Variants in ANKRD36C observed in about 807,000 individuals in gnomAD.
ANKRD36C encodes ankyrin repeat domain-containing protein 36C.
In ANKRD36C, 61 loss-of-function variants were observed where a neutral mutation model predicts 276.4. The ratio of observed to expected loss-of-function variants is 0.22; its 90% CI spans 0.18 to 0.27. ANKRD36C has a LOEUF of 0.27. Ranked by LOEUF, ANKRD36C falls within the 10% of genes least tolerant of loss-of-function variation. The probability of loss-of-function intolerance (pLI) is 1.00; values close to 1 mark genes in which losing one functional copy is unlikely to be tolerated. For missense variants in ANKRD36C, 1,447 were observed against 2,032.3 expected, an observed-to-expected ratio of 0.71 and a Z score of 5.54; for synonymous variants, 483 against 680.1, an observed-to-expected ratio of 0.71 and a Z score of 4.51.
rs532730717 is a variant in ANKRD36C, at chr2:95,891,591, G to A, written c.2857+74C>T. On this transcript the variant is annotated intron_variant, in intron 46 of 66. Transcript: ENST00000456556. ...AATGTGCAGCTTCAACGAACCCCCC[G>A]CTGATTTATTCAGGGAAGAGAATTT... The A allele has an allele frequency of 1.8e-3, 2,648 of 1,482,234 alleles. 15 individuals carry two copies. Among genetic ancestry groups the A allele is most frequent in the Middle Eastern group, 0.012 (50 of 4,236 alleles). The allele number at this position is 1,482,234 out of a possible 1,614,324, so 91.8% of individuals were successfully genotyped here.
intron 42 of ANKRD36C, among the ~76,000 whole-genome samples, chr2:95,910,871 A>G (rs1169031731): frequency 6.6e-6 from 1 of 151,490 alleles, no homozygotes; most frequent in African/African-American, 2.4e-5. Context: ...AATGTGATCT[A>G]AAATCAGAAG....
At chr2:95,913,803 T>G (rs1013947562) in intron 40 of ANKRD36C, among the ~76,000 whole-genome samples, 15 of 151,432 alleles carry the variant, frequency 9.9e-5, no homozygotes, top group Admixed American at 4.0e-4. Context: ...CCTTCCACCC[T>G]TACTGAAAAC....
Position 95,889,835 on chromosome 2 carries a change from C to G in ANKRD36C, c.2923G>C (p.Ala975Pro), listed in dbSNP as rs747863669. Residue 975 changes from alanine (A) to proline (P), a missense_variant, in exon 48 of 67, where the codon GCC (alanine) becomes CCC (proline). Coordinates refer to ENST00000456556, the Ensembl canonical transcript of ANKRD36C. The stretch of plus-strand genomic sequence containing the variant: ...ATTTGTTCATCCTTTGTTTCTGTGG[C>G]CATATTCGGAACAGAATTTTCCTTG... 4.4e-6 allele frequency: 7 copies of G among 1,600,904 alleles called. No homozygotes were observed. The East Asian group carries it at 1.6e-4, about 36-fold the overall frequency.
intron 24 of ANKRD36C, among the ~76,000 whole-genome samples, chr2:95,935,131 A>G (rs1677680664): frequency 6.6e-6 from 1 of 152,300 alleles, no homozygotes; most frequent in African/African-American, 2.4e-5. Flanking sequence ...ACAGTATTGC[A>G]ACCAGAAATT....
At chr2:95,854,177 G>A (rs1675357153) in intron 63 of ANKRD36C, among the ~76,000 whole-genome samples, 1 of 151,820 alleles carries the variant, frequency 6.6e-6, no homozygotes, top group African/African-American at 2.4e-5. Flanking sequence ...TGAGACTGAC[G>A]GTAGTAAATT....
chr2:95,917,063 A>C (rs1677120451), intron 36 of ANKRD36C, among the ~76,000 whole-genome samples: 1 of 151,626 alleles, frequency 6.6e-6, no homozygotes, highest in Non-Finnish European at 1.5e-5. Context: ...GTTTGATGAA[A>C]TAGCTATTGT....
At chr2:95,872,260 C>G (rs1326235155) in intron 59 of ANKRD36C, among the ~76,000 whole-genome samples, 15 of 129,050 alleles carry the variant, frequency 1.2e-4, no homozygotes, top group African/African-American at 4.1e-4. Context: ...TGACCACATA[C>G]TTGGAAGTAA....
At chr2:95,921,162 C>T (rs1281049600) in intron 34 of ANKRD36C, among the ~76,000 whole-genome samples, 2 of 150,752 alleles carry the variant, frequency 1.3e-5, no homozygotes, top group Non-Finnish European at 3.0e-5. Flanking sequence ...ATAATTGCTA[C>T]ATCAGGGATC....
intron 20 of ANKRD36C, 136 bp from the exon 21 acceptor site, chr2:95,939,151 T>C: frequency 6.8e-7 from 1 of 1,467,580 alleles, no homozygotes. Flanking sequence ...TTGGGTTGTT[T>C]TGCTCTTGTT....
chr2:95,962,188 G>A (rs1678477398), intron 8 of ANKRD36C, among the ~76,000 whole-genome samples, 164 bp downstream of exon 8: 1 of 152,006 alleles, frequency 6.6e-6, no homozygotes, highest in African/African-American at 2.4e-5. Flanking sequence ...CATGGCCAAG[G>A]ACCAGTAGCA....
At chr2:95,925,489 A>C in intron 29 of ANKRD36C, 30 bp downstream of exon 29, 1 of 1,548,254 alleles carries the variant, frequency 6.5e-7, no homozygotes, top group South Asian at 1.2e-5. Context: ...TGTAATAAAT[A>C]ATTCAAAATA....
At chr2:95,880,617 G>C in exon 57 of ANKRD36C, 6 of 1,517,848 alleles carry the variant, frequency 4.0e-6, no homozygotes, top group Non-Finnish European at 5.4e-6. Context: ...CAGATTCTCA[G>C]GATACTCTAA....
chr2:95,901,930 T>C (rs2104378030), intron 42 of ANKRD36C, among the ~76,000 whole-genome samples: 1 of 149,546 alleles, frequency 6.7e-6, no homozygotes, highest in South Asian at 2.1e-4. Context: ...GACATACTTC[T>C]ACAAAGTCAA....
At chr2:95,928,163 A>T (rs1393069477) in intron 26 of ANKRD36C, among the ~76,000 whole-genome samples, 1 of 151,710 alleles carries the variant, frequency 6.6e-6, no homozygotes, top group Non-Finnish European at 1.5e-5. Context: ...TTTTACATTC[A>T]GAAATCACTC....
chr2:95,885,121 T>G (rs1446476674), intron 52 of ANKRD36C, among the ~76,000 whole-genome samples: 1 of 151,962 alleles, frequency 6.6e-6, no homozygotes, highest in African/African-American at 2.4e-5. Context: ...GCGTTAGATA[T>G]TAATATGTTT....
Position 95,887,919 on chromosome 2 carries a change from A to G in ANKRD36C, c.3061+6T>C. 1.3e-6 allele frequency: 2 copies of G among 1,580,238 alleles called. No individual in the cohort carries two copies. The highest frequency in any genetic ancestry group is 4.6e-5 in the East Asian group (2 of 43,386). ...ACATGACATTAAATGTGTTTTGTGA[A>G]ATTACCTGTTCCAGATTGTTGTCCA... On this transcript the variant is annotated splice_donor_region_variant and intron_variant, in intron 50 of 66. Transcript: ENST00000456556.
At chr2:95,984,316 G>T (rs1457939774) in intron 3 of ANKRD36C, among the ~76,000 whole-genome samples, 3 of 151,886 alleles carry the variant, frequency 2.0e-5, no homozygotes, top group Non-Finnish European at 2.9e-5. Context: ...ATAGAAAGGG[G>T]CAACCTCTGC....
At position 95,910,784 on chromosome 2, in the gene ANKRD36C, G is replaced by A. The variant is rs570013284; in HGVS notation, c.2653+1460C>T. Among the ~76,000 whole-genome samples, 13 of 151,380 alleles carry A rather than the reference G, an allele frequency of 8.6e-5. No homozygotes were observed. In the East Asian group the frequency reaches 2.0e-3, roughly 23 times the overall value. On this transcript the variant is annotated intron_variant, in intron 42 of 66. Transcript: ENST00000456556. The stretch of plus-strand genomic sequence containing the variant: ...AATATACCCTTACAATTTCAAACAC[G>A]GTACGATTTCTCATATGTCTAAAAC...
chr2:95,929,130 G>C (rs375866621), exon 26 of ANKRD36C: 9 of 1,602,914 alleles, frequency 5.6e-6, no homozygotes, highest in Non-Finnish European at 7.6e-6. Context: ...CAGAATCTTT[G>C]TCGTCACTTG....
Sources: gnomAD v4.1 joint callset for allele counts (sites outside exome capture counted in the v4.1 genomes callset) on GRCh38, gnomAD v4.1.1 for gene constraint, MANE v1.5 for transcripts, NCBI Gene and HGNC (gene_info 2026-07-23, HGNC 2026-07-21) for gene names.